The following BTD variants were observed in gnomAD, a reference collection of about 807,000 sequenced individuals.
BTD encodes the protein biotinidase.
In BTD, 13 loss-of-function variants were observed where a neutral mutation model predicts 17.7. The ratio of observed to expected loss-of-function variants is 0.74; its 90% CI spans 0.48 to 1.17. The LOEUF (loss-of-function observed/expected upper bound fraction) is 1.17. Ranked by LOEUF, BTD falls within the 50% of genes most tolerant of loss-of-function variation. The probability of loss-of-function intolerance (pLI) is 0.00; values close to 1 mark genes in which losing one functional copy is unlikely to be tolerated. For synonymous variants in BTD, 240 were observed against 245.2 expected, an observed-to-expected ratio of 0.98 and a Z score of 0.20; for missense variants, 674 against 650.4, an observed-to-expected ratio of 1.04 and a Z score of -0.39.
intron 2 of BTD, among the ~76,000 whole-genome samples, chr3:15,637,711 A>G (rs1243845837): frequency 6.6e-6 from 1 of 152,230 alleles, no homozygotes; most frequent in Non-Finnish European, 1.5e-5. Context: ...GTTTGCCTGC[A>G]TGGCACTGAG....
chr3:15,686,262 C>T (rs1213181691), intron 3 of BTD: 1 of 1,593,012 alleles, frequency 6.3e-7, no homozygotes, highest in South Asian at 1.1e-5. Flanking sequence ...TTCTGTGGTT[C>T]TGCATTTCCT....
At chr3:15,604,710 C>T (rs895621299) in intron 1 of BTD, among the ~76,000 whole-genome samples, 10 of 152,160 alleles carry the variant, frequency 6.6e-5, no homozygotes, top group African/African-American at 2.4e-4. Flanking sequence ...ATTTCTTCTG[C>T]CAGATACCCT....
At chr3:15,678,123 A>C (rs968206393) in intron 3 of BTD, 1 of 1,289,260 alleles carries the variant, frequency 7.8e-7, no homozygotes, top group African/African-American at 1.5e-5. Context: ...TAAGATAACT[A>C]GTTGAAGTCA....
In BTD at chr3:15,645,218, C is replaced by T. The variant is rs932895569; in HGVS notation, c.1302C>T (p.Tyr434=). 1 of 1,614,218 alleles carries T rather than the reference C, an allele frequency of 6.2e-7. No homozygotes were observed. The highest frequency in any genetic ancestry group is 8.5e-7 in the Non-Finnish European group (1 of 1,180,028). ...DGLHTVHGTY[Y]IQVCALVRCG... is the part of the protein sequence containing the mutation. The stretch of plus-strand genomic sequence containing the variant: ...TTCACACAGTACATGGCACTTACTA[C>T]ATCCAAGTGTGTGCCCTGGTCAGGT... Residue 434 remains tyrosine, a synonymous_variant, in exon 4 of 4, where the codon TAC becomes TAT. Coordinates refer to ENST00000643237, the MANE Select transcript of BTD (RefSeq NM_001370658.1).
At chr3:15,694,679 G>A in intron 3 of BTD, 10 of 1,437,448 alleles carry the variant, frequency 7.0e-6, no homozygotes, top group Non-Finnish European at 9.8e-6. Context: ...ACACAAATAG[G>A]TTATTAGATA....
chr3:15,672,889 C>A (rs1315300170), intron 3 of BTD, among the ~76,000 whole-genome samples: 1 of 152,244 alleles, frequency 6.6e-6, no homozygotes, highest in African/African-American at 2.4e-5. Context: ...GATTCTCTTG[C>A]CTCAGCCTCC....
chr3:15,714,663 G>A (rs1204537932), downstream of BTD: 4 of 1,575,092 alleles, frequency 2.5e-6, no homozygotes, highest in South Asian at 2.4e-5. Flanking sequence ...TACTCTGGGG[G>A]GGGAAGAAAA....
At chr3:15,622,910 TTAA>T (rs2064986233) in intron 1 of BTD, among the ~76,000 whole-genome samples, 2 of 152,226 alleles carry the variant, frequency 1.3e-5, no homozygotes, top group South Asian at 4.1e-4. Flanking sequence ...TTTCATGCTG[TTAA>T]TAAAGACATA....
At chr3:15,679,636 G>T in intron 3 of BTD, 2 of 1,174,958 alleles carry the variant, frequency 1.7e-6, no homozygotes, top group Non-Finnish European at 2.5e-6. Flanking sequence ...ACATGTAAGT[G>T]TTTAAAGGAA....
At chr3:15,661,077 C>A (rs1260124651) in intron 3 of BTD, among the ~76,000 whole-genome samples, 3 of 151,676 alleles carry the variant, frequency 2.0e-5, no homozygotes, top group African/African-American at 7.3e-5. Flanking sequence ...ACAAGCCTGG[C>A]CAACATGGTG....
intron 1 of BTD, among the ~76,000 whole-genome samples, chr3:15,633,242 G>C (rs934367823): frequency 1.3e-5 from 2 of 151,990 alleles, no homozygotes; most frequent in Non-Finnish European, 2.9e-5. Flanking sequence ...TCCAAGGTTG[G>C]TGGAATCCAT....
intron 3 of BTD, among the ~76,000 whole-genome samples, chr3:15,671,615 G>T (rs942657056): frequency 2.1e-5 from 3 of 140,944 alleles, no homozygotes; most frequent in Non-Finnish European, 4.5e-5. Context: ...GACAGAGTCT[G>T]CTCGGTCACC....
In BTD at chr3:15,645,658, T is replaced by A; in HGVS notation, c.*170T>A. 2 of 669,616 alleles carry A rather than the reference T, an allele frequency of 3.0e-6. No individual in the cohort carries two copies. Among genetic ancestry groups the A allele is most frequent in the East Asian group, 2.7e-5 (1 of 36,718 alleles). The allele number at this position is 669,616 out of a possible 1,614,324, so 41.5% of individuals were successfully genotyped here. A position where few individuals can be genotyped will look rare whatever the true frequency, so the allele number is the denominator to read the frequency against. Reference sequence around the variant, plus strand: ...GAAAAAGTAGGAGAGGCAGATTCCCTCAGTGTCTTCCTCTTAAACCTCAAT... The same window carrying A: ...GAAAAAGTAGGAGAGGCAGATTCCCACAGTGTCTTCCTCTTAAACCTCAAT... On this transcript the variant is annotated 3_prime_UTR_variant, in exon 4 of 4. Coordinates refer to ENST00000643237, the MANE Select transcript of BTD (RefSeq NM_001370658.1).
intron 4 of BTD, among the ~76,000 whole-genome samples, chr3:15,718,624 T>C (rs938527675): frequency 6.6e-6 from 1 of 151,780 alleles, no homozygotes; most frequent in Non-Finnish European, 1.5e-5. Flanking sequence ...CATGCCAAAA[T>C]GGCAGTGCAT....
At chr3:15,690,340 A>C (rs986105839) in intron 3 of BTD, 1 of 791,364 alleles carries the variant, frequency 1.3e-6, no homozygotes, top group African/African-American at 1.7e-5. Context: ...GAGATAATCC[A>C]AACTTCTACA....
chr3:15,619,008 C>T (rs180760585), intron 1 of BTD, among the ~76,000 whole-genome samples: 24 of 152,214 alleles, frequency 1.6e-4, no homozygotes, highest in Admixed American at 4.6e-4. Context: ...TGAACAAAGG[C>T]GGTTTTATTT....
chr3:15,646,998 A>G lies in BTD; in HGVS notation c.*1510A>G, dbSNP rs986126852. On this transcript the variant is annotated 3_prime_UTR_variant, in exon 4 of 4. Coordinates refer to ENST00000643237, the MANE Select transcript of BTD (RefSeq NM_001370658.1). ...ATGCATGTTGAATAAACCATGTGGG[A>G]AAAAGCAGAGCCAGCACCAGCCCCT... 1 of 152,240 alleles carries G rather than the reference A, an allele frequency of 6.6e-6. No homozygotes were observed. Among genetic ancestry groups the G allele is most frequent in the Non-Finnish European group, 1.5e-5 (1 of 68,060 alleles). 9.4% of individuals were successfully genotyped at this position (152,240 alleles called of 1,614,324 possible). A position where few individuals can be genotyped will look rare whatever the true frequency, so the allele number is the denominator to read the frequency against.
At chr3:15,673,525 A>G (rs1476501857) in intron 3 of BTD, among the ~76,000 whole-genome samples, 1 of 152,244 alleles carries the variant, frequency 6.6e-6, no homozygotes, top group Non-Finnish European at 1.5e-5. Flanking sequence ...ACATAACAAA[A>G]AAGTACATTA....
In BTD at chr3:15,661,288, AAAAAAG is replaced by A. The variant is rs535549968; in HGVS notation, c.399+19245_399+19250del. On this transcript the variant is annotated intron_variant, in intron 3 of 3. Transcript: ENST00000672141. ...CTCAAAAAAAAAAAAAAAAAAAAAA[AAAAAAG>A]AAAAAGAAAAAGAGCTCCTCCACAT... Among the ~76,000 whole-genome samples the A allele has an allele frequency of 4.7e-4, 34 of 71,656 alleles. 2 individuals carry two copies. The highest frequency in any genetic ancestry group is 1.2e-3 in the South Asian group (2 of 1,632). 47.0% of individuals were successfully genotyped at this position (71,656 alleles called of 152,430 possible). A position where few individuals can be genotyped will look rare whatever the true frequency, so the allele number is the denominator to read the frequency against.
Sources: allele counts gnomAD v4.1 joint callset (sites outside exome capture counted in the v4.1 genomes callset), GRCh38; gene constraint gnomAD v4.1.1; transcripts MANE v1.5; gene names NCBI Gene and HGNC (gene_info 2026-07-23, HGNC 2026-07-21).